WWOX: variants seen among roughly 807,000 people sequenced by gnomAD.
WWOX encodes WW domain-containing oxidoreductase.
A neutral mutation model predicts 46.2 loss-of-function variants in WWOX; 69 were observed. That is an observed-to-expected ratio of 1.49 (90% CI 1.23 to 1.82). The LOEUF is 1.82. Among genes scored for constraint, WWOX ranks in the 40% most tolerant of loss-of-function variants. WWOX has a pLI of 0.00. For synonymous variants in WWOX, 359 were observed against 202.6 expected, an observed-to-expected ratio of 1.77 and a Z score of -6.56; for missense variants, 919 against 542.6, an observed-to-expected ratio of 1.69 and a Z score of -6.89.
At chr16:79,012,194 C>T (rs188981584) in intron 8 of WWOX, among the ~76,000 whole-genome samples, 10 of 152,298 alleles carry the variant, frequency 6.6e-5, no homozygotes, top group Admixed American at 3.9e-4. Flanking sequence ...CCACAAGCCA[C>T]ATCTGGCTGT....
At position 78,513,005 on chromosome 16, in the gene WWOX, T is replaced by C. The variant is rs145362522; in HGVS notation, c.1056+80253T>C. 2.9e-3 allele frequency among the ~76,000 whole-genome samples: 445 copies of C among 152,282 alleles called. 2 individuals carry two copies. The highest frequency in any genetic ancestry group is 1.0e-2 in the African/African-American group (415 of 41,566). ...TGCTGCTTTGCACATTTAGGAGATA[T>C]TTGTGGACCTTTCATTAGGACAATT... is the stretch of plus-strand genomic sequence containing the variant. On this transcript the variant is annotated intron_variant, in intron 8 of 8. Coordinates refer to ENST00000566780, the MANE Select transcript of WWOX (RefSeq NM_016373.4).
intron 8 of WWOX, among the ~76,000 whole-genome samples, chr16:78,536,088 G>A (rs138012281): frequency 0.01 from 1,530 of 152,220 alleles, 35 homozygotes; most frequent in African/African-American, 0.036. Context: ...TTGCCATGGG[G>A]CCTTGTATAC....
rs1382920656 is a variant in WWOX, at chr16:78,312,687, AATTCTAG to A, written c.517-74172_517-74166del. On this transcript the variant is annotated intron_variant, in intron 5 of 8. Transcript: ENST00000566780. ...ACTGTGCCTGGCTGGTTGTAGGCCT[AATTCTAG>A]CAATCTCAGCAACTGTAGGATTTCT... 3.6e-3 allele frequency among the ~76,000 whole-genome samples: 548 copies of A among 152,262 alleles called. 6 individuals are homozygous for A. Among genetic ancestry groups the A allele is most frequent in the African/African-American group, 0.013 (532 of 41,566 alleles).
intron 8 of WWOX, among the ~76,000 whole-genome samples, chr16:78,570,639 A>G (rs1409091026): frequency 6.6e-6 from 1 of 152,118 alleles, no homozygotes; most frequent in Non-Finnish European, 1.5e-5. Context: ...CCAGCTTCCT[A>G]CTAGAAGCCA....
intron 8 of WWOX, among the ~76,000 whole-genome samples, chr16:78,512,117 C>G (rs1193245838): frequency 6.6e-6 from 1 of 152,144 alleles, no homozygotes; most frequent in Non-Finnish European, 1.5e-5. Context: ...TTTTAAAACG[C>G]TGGAAAAATA....
At chr16:78,544,301 C>G (rs1202557797) in intron 8 of WWOX, among the ~76,000 whole-genome samples, 5 of 152,100 alleles carry the variant, frequency 3.3e-5, no homozygotes, top group African/African-American at 1.2e-4. Context: ...TTAATAAAAT[C>G]CAACTCCTTA....
intron 8 of WWOX, among the ~76,000 whole-genome samples, chr16:79,135,023 T>A (rs935977430): frequency 6.6e-6 from 1 of 152,168 alleles, no homozygotes; most frequent in East Asian, 1.9e-4. Flanking sequence ...TGCTGTTCAT[T>A]GGATTAATTT....
chr16:78,384,451 A>C (rs1203485251), intron 5 of WWOX, among the ~76,000 whole-genome samples: 1 of 152,190 alleles, frequency 6.6e-6, no homozygotes, highest in Non-Finnish European at 1.5e-5. Context: ...ATCATCAGAT[A>C]AATATCAGTT....
intron 8 of WWOX, among the ~76,000 whole-genome samples, chr16:78,491,783 T>C (rs989393781): frequency 2.0e-5 from 3 of 152,076 alleles, no homozygotes; most frequent in African/African-American, 7.2e-5. Flanking sequence ...CAGGAGAAAA[T>C]AGCATATAAA....
At chr16:78,550,753 G>A (rs1338703450) in intron 8 of WWOX, 1 of 152,180 alleles carries the variant, frequency 6.6e-6, no homozygotes, top group Non-Finnish European at 1.5e-5. Context: ...GAGCTAGCTT[G>A]GAGATGATAC....
intron 5 of WWOX, among the ~76,000 whole-genome samples, chr16:78,305,431 C>T (rs892375088): frequency 6.6e-6 from 1 of 152,076 alleles, no homozygotes; most frequent in Non-Finnish European, 1.5e-5. Flanking sequence ...AAATGAACAT[C>T]CAAGAAGAAG....
intron 8 of WWOX, among the ~76,000 whole-genome samples, chr16:79,186,750 G>A (rs975743789): frequency 6.6e-6 from 1 of 151,990 alleles, no homozygotes; most frequent in Non-Finnish European, 1.5e-5. Context: ...TGGGACATTA[G>A]TCTGGGAATT....
intron 8 of WWOX, among the ~76,000 whole-genome samples, chr16:78,598,565 G>A (rs751406225): frequency 1.6e-4 from 24 of 152,156 alleles, no homozygotes; most frequent in Non-Finnish European, 2.1e-4. Context: ...CAGGCTCTCA[G>A]GTCGGTGCCA....
At chr16:78,424,120 G>GT (rs565162154) in intron 6 of WWOX, among the ~76,000 whole-genome samples, 7,737 of 107,884 alleles carry the variant, frequency 0.072, 394 homozygotes, top group African/African-American at 0.15. Flanking sequence ...TTTTTTTTTT[G>GT]TTTTTTTTTT....
chr16:78,328,832 T>TTC (rs59414488), intron 5 of WWOX, among the ~76,000 whole-genome samples: 17,374 of 150,426 alleles, frequency 0.12, 1,143 homozygotes, highest in Non-Finnish European at 0.14. Flanking sequence ...GTGTTTTTCT[T>TTC]TTTTCTTTTC....
chr16:78,660,858 C>G (rs1481917616), intron 8 of WWOX, among the ~76,000 whole-genome samples: 4 of 152,132 alleles, frequency 2.6e-5, no homozygotes, highest in Admixed American at 2.0e-4. Context: ...TGTTTATTAC[C>G]TACTTTTTCC....
At chr16:79,151,957 T>G (rs956812669) in intron 8 of WWOX, among the ~76,000 whole-genome samples, 1 of 152,180 alleles carries the variant, frequency 6.6e-6, no homozygotes, top group African/African-American at 2.4e-5. Flanking sequence ...GGGCTCTGAG[T>G]CTTTAAAAGG....
At chr16:78,309,884 C>G (rs560566724) in intron 5 of WWOX, among the ~76,000 whole-genome samples, 1 of 152,238 alleles carries the variant, frequency 6.6e-6, no homozygotes, top group Admixed American at 6.5e-5. Flanking sequence ...TTAGAGTGTT[C>G]TCCTATGTAA....
At chr16:78,915,413 A>G (rs2045224831) in intron 8 of WWOX, among the ~76,000 whole-genome samples, 1 of 152,236 alleles carries the variant, frequency 6.6e-6, no homozygotes, top group South Asian at 2.1e-4. Flanking sequence ...GTTACTCTAC[A>G]GGGCAATCAT....
Sources: allele counts gnomAD v4.1 joint callset (sites outside exome capture counted in the v4.1 genomes callset), GRCh38; gene constraint gnomAD v4.1.1; transcripts MANE v1.5; gene names NCBI Gene and HGNC (gene_info 2026-07-23, HGNC 2026-07-21).